CAMTA1: variants seen among roughly 807,000 people sequenced by gnomAD.
The protein encoded by CAMTA1 is calmodulin-binding transcription activator 1.
CAMTA1 carries 27 observed loss-of-function variants against 170.9 expected under a neutral mutation model. The observed-to-expected ratio is 0.16, with a 90% CI of 0.12 to 0.22. The LOEUF is 0.22. Among genes scored for constraint, CAMTA1 ranks in the 10% least tolerant of loss-of-function variants. The pLI, the probability that CAMTA1 is intolerant of heterozygous loss-of-function variation, is 1.00. For missense variants in CAMTA1, 1,619 were observed against 2,217.2 expected (o/e 0.73, Z 5.42); for synonymous variants, 833 against 891.5 (o/e 0.93, Z 1.17).
chr1:7,464,318 G>GA (rs2093161804), intron 5 of CAMTA1, among the ~76,000 whole-genome samples: 1 of 152,208 alleles, frequency 6.6e-6, no homozygotes. Context: ...CTCAACTGGG[G>GA]AAACCCCAGA....
chr1:7,108,996 G>A (rs1032741531), intron 4 of CAMTA1, among the ~76,000 whole-genome samples: 11 of 152,190 alleles, frequency 7.2e-5, no homozygotes, highest in Admixed American at 6.5e-5. Flanking sequence ...GGGCTGTTGA[G>A]CTGAGGGCTG....
chr1:7,334,567 T>C (rs887994545), intron 5 of CAMTA1, among the ~76,000 whole-genome samples: 5 of 152,188 alleles, frequency 3.3e-5, no homozygotes, highest in African/African-American at 1.2e-4. Flanking sequence ...TTCCGGGGCT[T>C]TGCATGTGTG....
intron 3 of CAMTA1, among the ~76,000 whole-genome samples, chr1:6,904,541 T>G: frequency 6.6e-6 from 1 of 151,352 alleles, no homozygotes; most frequent in Non-Finnish European, 1.5e-5. Context: ...AGCCTTTTTT[T>G]TTCTTTCTTT....
At chr1:7,428,557 T>C (rs2091988297) in intron 5 of CAMTA1, among the ~76,000 whole-genome samples, 1 of 152,098 alleles carries the variant, frequency 6.6e-6, no homozygotes, top group Admixed American at 6.5e-5. Context: ...AGGTCAGGGC[T>C]CTGCAGTGGA....
Position 7,677,647 on chromosome 1 carries a change from T to C in CAMTA1, c.2828T>C (p.Ile943Thr). Residue 943 changes from isoleucine to threonine, a missense_variant, in exon 11 of 23, where the codon ATC becomes ACC. Coordinates refer to ENST00000303635, the MANE Select transcript of CAMTA1 (RefSeq NM_015215.4). Reference protein sequence around the residue: ...VTLQVAFNNQIISNSVVFEYK... With the variant: ...VTLQVAFNNQTISNSVVFEYK... ...CTACAAGTTGCCTTCAACAACCAGA[T>C]CATCTCCAACTCGGTGGTGTTTGAG... The C allele has an allele frequency of 6.2e-7, 1 of 1,614,148 alleles. No individual in the cohort carries two copies. Among genetic ancestry groups the C allele is most frequent in the Non-Finnish European group, 8.5e-7 (1 of 1,179,996 alleles).
rs553852080 is a variant in CAMTA1 at position 7,333,627 on chromosome 1, G to A, written c.438+84001G>A. On this transcript the variant is annotated intron_variant, in intron 5 of 22. Transcript: ENST00000303635. This position sits in a 1 kb window ranked among gnomAD's most constrained non-coding sequence, Gnocchi z 4.4. Reference sequence around the variant, plus strand: ...GCTGAGGGGCTTAAATGCTGCTGTCGTCCCAGCTTCTAGGGAGGCTGGGGT... The same window carrying A: ...GCTGAGGGGCTTAAATGCTGCTGTCATCCCAGCTTCTAGGGAGGCTGGGGT... 7.9e-5 allele frequency among the ~76,000 whole-genome samples: 12 copies of A among 152,202 alleles called. No homozygotes were observed. The highest frequency in any genetic ancestry group is 2.1e-4 in the South Asian group (1 of 4,828).
chr1:7,523,207 C>G (rs2094388784), intron 6 of CAMTA1, among the ~76,000 whole-genome samples: 1 of 152,218 alleles, frequency 6.6e-6, no homozygotes, highest in Non-Finnish European at 1.5e-5. Context: ...CCTCTGACAT[C>G]ACACTGACTT....
intron 6 of CAMTA1, among the ~76,000 whole-genome samples, chr1:7,552,844 A>T (rs1409595320): frequency 6.6e-6 from 1 of 152,192 alleles, no homozygotes; most frequent in Middle Eastern, 3.2e-3. Context: ...AGTCACAGTG[A>T]ACCAGGAGGT....
rs1361098535 is a variant in CAMTA1 at position 7,546,753 on chromosome 1, A to G, written c.510+78852A>G. 2.6e-5 allele frequency among the ~76,000 whole-genome samples: 4 copies of G among 152,226 alleles called. No individual in the cohort carries two copies. The East Asian group carries it at 5.8e-4, about 22-fold the overall frequency. On this transcript the variant is annotated intron_variant, in intron 6 of 22. Transcript: ENST00000303635. ...TTTGATTTGCATTTCCCTAATGATC[A>G]GTGACGTTGAGCACTTTTTCATATG... is the stretch of plus-strand genomic sequence containing the variant.
chr1:7,264,808 C>T (rs1668665052), intron 5 of CAMTA1, among the ~76,000 whole-genome samples: 1 of 152,188 alleles, frequency 6.6e-6, no homozygotes, highest in African/African-American at 2.4e-5. Flanking sequence ...TCCTTTCCTG[C>T]ACGGCCACCT....
chr1:7,046,063 A>C (rs12024267), intron 3 of CAMTA1, among the ~76,000 whole-genome samples: 15,238 of 151,932 alleles, frequency 0.1, 802 homozygotes, highest in East Asian at 0.23. Flanking sequence ...TTGGGAGGGG[A>C]CCCCTTCATG....
intron 1 of CAMTA1, among the ~76,000 whole-genome samples, chr1:6,795,969 G>T (rs928861291): frequency 5.3e-5 from 8 of 151,998 alleles, no homozygotes; most frequent in African/African-American, 1.9e-4. Context: ...AGTACAGTTT[G>T]GATAAGGTTT....
intron 6 of CAMTA1, among the ~76,000 whole-genome samples, chr1:7,492,966 C>G (rs893072894): frequency 1.4e-5 from 2 of 147,786 alleles, no homozygotes; most frequent in Admixed American, 6.8e-5. Context: ...CTTACATACA[C>G]ATGCGCTCAA....
intron 6 of CAMTA1, among the ~76,000 whole-genome samples, chr1:7,524,614 T>C (rs529120490): frequency 2.0e-5 from 3 of 152,258 alleles, no homozygotes; most frequent in East Asian, 1.9e-4. Flanking sequence ...AGGGATTTTG[T>C]AGATGCTTTT....
intron 6 of CAMTA1, among the ~76,000 whole-genome samples, chr1:7,472,062 C>T (rs376580573): frequency 3.7e-4 from 57 of 152,348 alleles, no homozygotes; most frequent in African/African-American, 1.3e-3. Context: ...GGGTGTGTCC[C>T]CGCATGGCTG....
intron 6 of CAMTA1, among the ~76,000 whole-genome samples, chr1:7,501,856 C>G (rs1356770236): frequency 1.3e-5 from 2 of 152,126 alleles, no homozygotes; most frequent in Admixed American, 6.5e-5. Context: ...ATCCAAATTC[C>G]TCAGCTGCCG....
At chr1:7,268,718 G>A (rs1017908531) in intron 5 of CAMTA1, among the ~76,000 whole-genome samples, 5 of 152,158 alleles carry the variant, frequency 3.3e-5, no homozygotes, top group East Asian at 1.9e-4. Context: ...GTAAGACAAC[G>A]AAATCCACAC....
chr1:7,072,945 G>A (rs981431150), intron 3 of CAMTA1, among the ~76,000 whole-genome samples: 1 of 152,208 alleles, frequency 6.6e-6, no homozygotes, highest in Non-Finnish European at 1.5e-5. Context: ...TTGAGTCTGG[G>A]TGAGATGGGC....
At chr1:7,661,984 C>T in intron 8 of CAMTA1, 118 bp downstream of exon 8, 2 of 1,232,114 alleles carry the variant, frequency 1.6e-6, no homozygotes, top group South Asian at 2.9e-5. Context: ...AGGAGGGGGA[C>T]AGTCAGGGAC....
Sources: gnomAD v4.1 joint callset for allele counts (sites outside exome capture counted in the v4.1 genomes callset) on GRCh38, gnomAD v4.1.1 for gene constraint, Gnocchi (gnomAD v3.1) non-coding constraint, MANE v1.5 for transcripts, NCBI Gene and HGNC (gene_info 2026-07-23, HGNC 2026-07-21) for gene names.